Variants in NALCN observed in about 807,000 individuals in gnomAD.
NALCN encodes the protein sodium leak channel NALCN.
NALCN carries 111 observed loss-of-function variants against 225.3 expected under a neutral mutation model. The observed-to-expected ratio is 0.49, with a 90% confidence interval of 0.42 to 0.58. The LOEUF is 0.58. Among genes scored for constraint, NALCN ranks in the 20% least tolerant of loss-of-function variants. The probability of loss-of-function intolerance (pLI) is 0.00; values close to 1 mark genes in which losing one functional copy is unlikely to be tolerated. For synonymous variants in NALCN, 764 were observed against 769.0 expected, an observed-to-expected ratio of 0.99 and a Z score of 0.11; for missense variants, 1,378 against 2,202.4, an observed-to-expected ratio of 0.63 and a Z score of 7.49.
chr13:101,092,076 T>C (rs1332654134), intron 28 of NALCN, among the ~76,000 whole-genome samples: 1 of 151,816 alleles, frequency 6.6e-6, no homozygotes, highest in African/African-American at 2.4e-5. Flanking sequence ...CCATCTATTA[T>C]TGTCATTTTT....
At chr13:101,253,786 T>C (rs1200052427) in intron 11 of NALCN, among the ~76,000 whole-genome samples, 1 of 152,190 alleles carries the variant, frequency 6.6e-6, no homozygotes, top group Non-Finnish European at 1.5e-5. Context: ...CTCACTTTTG[T>C]ACAATTTCAG....
chr13:101,122,592 G>A (rs949007623), intron 18 of NALCN, among the ~76,000 whole-genome samples: 13 of 152,116 alleles, frequency 8.5e-5, no homozygotes, highest in African/African-American at 2.9e-4. Flanking sequence ...CTTGCACCAC[G>A]TTAAATAGAA....
chr13:101,282,268 T>C (rs1379898283), intron 10 of NALCN, among the ~76,000 whole-genome samples: 1 of 152,010 alleles, frequency 6.6e-6, no homozygotes, highest in Non-Finnish European at 1.5e-5. Context: ...TGTCTACTGA[T>C]GGATGAATGG....
Position 101,192,456 on chromosome 13 carries a change from TAAGGCATATA to T in NALCN, c.1627-412_1627-403del, listed in dbSNP as rs569332704. On this transcript the variant is annotated intron_variant, in intron 13 of 43. Coordinates refer to ENST00000251127, the MANE Select transcript of NALCN (RefSeq NM_052867.4). ...ATTTTTATAGTGAATTACACTTGTCTAAGGCATATAAAGGCATATAATTTTATTTTTATGG... is the reference window on the plus strand; with the variant it reads ...ATTTTTATAGTGAATTACACTTGTCTAAGGCATATAATTTTATTTTTATGG... Among the ~76,000 whole-genome samples, 1,136 of 152,294 alleles carry T rather than the reference TAAGGCATATA, an allele frequency of 7.5e-3. 13 individuals are homozygous for T. Among genetic ancestry groups the T allele is most frequent in the African/African-American group, 0.026 (1,077 of 41,570 alleles).
chr13:101,308,146 A>G (rs948090899), intron 7 of NALCN, among the ~76,000 whole-genome samples: 4 of 152,206 alleles, frequency 2.6e-5, no homozygotes, highest in Non-Finnish European at 1.5e-5. Context: ...TTTTTGGAAT[A>G]TATTTATAAT....
chr13:101,313,700 T>C (rs555020036), intron 7 of NALCN, among the ~76,000 whole-genome samples: 18 of 152,344 alleles, frequency 1.2e-4, no homozygotes, highest in Admixed American at 3.3e-4. Flanking sequence ...GGAACACTTT[T>C]ACACTGTTGG....
intron 12 of NALCN, among the ~76,000 whole-genome samples, chr13:101,231,963 T>C (rs2041363645): frequency 6.6e-6 from 1 of 152,028 alleles, no homozygotes; most frequent in Non-Finnish European, 1.5e-5. Flanking sequence ...CTCAGGGCTT[T>C]TGCTGGATGC....
At chr13:101,107,437 C>T in intron 22 of NALCN, 50 bp downstream of exon 22, 3 of 1,611,998 alleles carry the variant, frequency 1.9e-6, no homozygotes, top group Non-Finnish European at 1.7e-6. Context: ...AACACCCCTG[C>T]TGTTTGCATG....
rs530767064 is a variant in NALCN at position 101,192,247 on chromosome 13, G to A, written c.1627-193C>T. 9.9e-5 allele frequency among the ~76,000 whole-genome samples: 15 copies of A among 152,250 alleles called. No homozygotes were observed. The South Asian group carries it at 3.1e-3, about 32-fold the overall frequency. On this transcript the variant is annotated intron_variant, in intron 13 of 43. Coordinates refer to ENST00000251127, the MANE Select transcript of NALCN (RefSeq NM_052867.4). The stretch of plus-strand genomic sequence containing the variant: ...TTAAAAATGTGATATTTAACTATTT[G>A]ATGTGGAATAAGAAAATAATTACCC...
intron 13 of NALCN, among the ~76,000 whole-genome samples, chr13:101,218,942 A>G (rs371497748): frequency 6.6e-6 from 1 of 152,124 alleles, no homozygotes; most frequent in Non-Finnish European, 1.5e-5. Context: ...CTGTGGGTCT[A>G]TATCATCTTC....
rs186680285 is a variant in NALCN at position 101,399,138 on chromosome 13, C to T, written c.-12G>A. ...TTCCTTTTGAGCATGCTGAGGTTAGCTTTGGTGAGCAAGCACAAAACCACA... is the reference window on the plus strand; with the variant it reads ...TTCCTTTTGAGCATGCTGAGGTTAGTTTTGGTGAGCAAGCACAAAACCACA... On this transcript the variant is annotated 5_prime_UTR_variant, in exon 2 of 44. Coordinates refer to ENST00000251127, the MANE Select transcript of NALCN (RefSeq NM_052867.4). 2 of 1,612,796 alleles carry T rather than the reference C, an allele frequency of 1.2e-6. No individual in the cohort carries two copies. The highest frequency in any genetic ancestry group is 3.3e-5 in the Admixed American group (2 of 59,910).
chr13:101,254,674 G>A lies in NALCN; in HGVS notation c.1266+3769C>T, dbSNP rs1186706399. Among the ~76,000 whole-genome samples the A allele has an allele frequency of 6.8e-5, 5 of 73,248 alleles. 2 individuals carry two copies. In the East Asian group the frequency reaches 1.5e-3, roughly 22 times the overall value. 48.1% of individuals were successfully genotyped at this position (73,248 alleles called of 152,430 possible). On this transcript the variant is annotated intron_variant, in intron 11 of 43. Coordinates refer to ENST00000251127, the MANE Select transcript of NALCN (RefSeq NM_052867.4). ...TGGGAGGCCGAGGCGGGCGGATCAC[G>A]AGGTCAGGAGATCGAGACCATCCCG...
At chr13:101,229,128 C>A (rs1263282903) in intron 13 of NALCN, among the ~76,000 whole-genome samples, 3 of 152,074 alleles carry the variant, frequency 2.0e-5, no homozygotes, top group East Asian at 3.9e-4. Context: ...GTGCTAAGAA[C>A]CCTAGCATTC....
At chr13:101,376,548 T>C in intron 6 of NALCN, 152 bp downstream of exon 6, 1 of 574,904 alleles carries the variant, frequency 1.7e-6, no homozygotes, top group Non-Finnish European at 2.7e-6. Flanking sequence ...AAATAAAAAC[T>C]GGACAAAAAC....
At chr13:101,258,619 C>T (rs1393631432) in intron 10 of NALCN, 45 bp from the exon 11 acceptor site, 1 of 1,612,188 alleles carries the variant, frequency 6.2e-7, no homozygotes, top group African/African-American at 1.3e-5. Flanking sequence ...AAATAAACCT[C>T]ATGATTAAGT....
chr13:101,202,508 C>T (rs760497964), intron 13 of NALCN, among the ~76,000 whole-genome samples: 35 of 152,146 alleles, frequency 2.3e-4, no homozygotes, highest in Non-Finnish European at 3.5e-4. Flanking sequence ...TCAGATCCCT[C>T]CAATTCAATC....
intron 39 of NALCN, among the ~76,000 whole-genome samples, chr13:101,067,594 C>T (rs1239697191): frequency 6.6e-6 from 1 of 152,178 alleles, no homozygotes; most frequent in Non-Finnish European, 1.5e-5. Flanking sequence ...TTGTAATATA[C>T]TGTCCCTTTG....
chr13:101,080,629 T>TTAAA (rs2033578184), intron 34 of NALCN, among the ~76,000 whole-genome samples: 1 of 145,052 alleles, frequency 6.9e-6, no homozygotes, highest in South Asian at 2.1e-4. Flanking sequence ...AAATTAATTA[T>TTAAA]TTAATTAAAT....
At chr13:101,345,080 C>G (rs1044469433) in intron 7 of NALCN, among the ~76,000 whole-genome samples, 186 bp downstream of exon 7, 1 of 152,164 alleles carries the variant, frequency 6.6e-6, no homozygotes, top group Non-Finnish European at 1.5e-5. Flanking sequence ...TATACATACA[C>G]AGCTTGTATG....
Sources: allele counts gnomAD v4.1 joint callset (sites outside exome capture counted in the v4.1 genomes callset), GRCh38; gene constraint gnomAD v4.1.1; transcripts MANE v1.5; gene names NCBI Gene and HGNC (gene_info 2026-07-23, HGNC 2026-07-21).